Variants in LRMDA observed in about 807,000 individuals in gnomAD.
LRMDA encodes leucine-rich melanocyte differentiation-associated protein.
A neutral mutation model predicts 29.8 loss-of-function variants in LRMDA; 18 were observed. The ratio of observed to expected loss-of-function variants is 0.60; its 90% confidence interval spans 0.42 to 0.90. The LOEUF (loss-of-function observed/expected upper bound fraction) is 0.90. Ranked by LOEUF, LRMDA falls within the 40% of genes least tolerant of loss-of-function variation. LRMDA has a pLI of 0.00. For synonymous variants in LRMDA, 125 were observed against 109.4 expected, an observed-to-expected ratio of 1.14 and a Z score of -0.89; for missense variants, 273 against 273.9, an observed-to-expected ratio of 1.00 and a Z score of 0.02.
chr10:75,904,712 G>T (rs1050566279), intron 2 of LRMDA, among the ~76,000 whole-genome samples: 1 of 152,154 alleles, frequency 6.6e-6, no homozygotes, highest in African/African-American at 2.4e-5. Context: ...GCTCTTTGCG[G>T]CCTGAGACCA....
At chr10:75,640,473 G>A (rs904859668) in intron 2 of LRMDA, among the ~76,000 whole-genome samples, 1 of 152,196 alleles carries the variant, frequency 6.6e-6, no homozygotes, top group African/African-American at 2.4e-5. Flanking sequence ...TCTGCATTCT[G>A]TGTATCTGTG....
In LRMDA at chr10:76,378,202, A is replaced by G. The variant is rs1311835571; in HGVS notation, c.601+53717A>G. ...TTCTGAGTTTGATTATTTTTGGTGT[A>G]TAGAAATGCTACTGATTTTTGTAGG... On this transcript the variant is annotated intron_variant, in intron 6 of 6. Coordinates refer to ENST00000611255, the MANE Select transcript of LRMDA (RefSeq NM_001305581.2). 3.9e-5 allele frequency among the ~76,000 whole-genome samples: 6 copies of G among 152,276 alleles called. No individual in the cohort carries two copies. In the South Asian group the frequency reaches 8.3e-4, roughly 21 times the overall value.
intron 2 of LRMDA, among the ~76,000 whole-genome samples, chr10:75,636,010 C>CG (rs1436307838): frequency 6.6e-6 from 1 of 152,100 alleles, no homozygotes; most frequent in Non-Finnish European, 1.5e-5. Flanking sequence ...GTCCATAGGA[C>CG]GTAAGATTTT....
At chr10:76,176,558 T>C (rs1191268846) in intron 5 of LRMDA, among the ~76,000 whole-genome samples, 2 of 152,280 alleles carry the variant, frequency 1.3e-5, no homozygotes, top group African/African-American at 2.4e-5. Flanking sequence ...CTTTGCGAGA[T>C]TGAGGCGGGC....
chr10:76,267,130 G>T (rs1840014808), intron 5 of LRMDA, among the ~76,000 whole-genome samples: 3 of 152,070 alleles, frequency 2.0e-5, no homozygotes. Context: ...CAGTTGAGAT[G>T]AATTTCCACA....
chr10:76,465,336 A>G (rs561766355), intron 6 of LRMDA, among the ~76,000 whole-genome samples: 11 of 152,042 alleles, frequency 7.2e-5, no homozygotes, highest in Non-Finnish European at 1.2e-4. Flanking sequence ...AAATTGTAAG[A>G]CCTGTGTGTG....
At chr10:75,887,053 A>G (rs1372290548) in intron 2 of LRMDA, among the ~76,000 whole-genome samples, 1 of 152,110 alleles carries the variant, frequency 6.6e-6, no homozygotes, top group Non-Finnish European at 1.5e-5. Flanking sequence ...CCAAATAATT[A>G]TAGATGGTTC....
chr10:75,850,824 A>G (rs1484228036), intron 2 of LRMDA, among the ~76,000 whole-genome samples: 1 of 152,162 alleles, frequency 6.6e-6, no homozygotes, highest in East Asian at 1.9e-4. Context: ...GAAACTTGAA[A>G]GACAAGAGGA....
chr10:75,944,436 A>G (rs1279045798), intron 2 of LRMDA, among the ~76,000 whole-genome samples: 1 of 151,638 alleles, frequency 6.6e-6, no homozygotes, highest in Non-Finnish European at 1.5e-5. Flanking sequence ...TGCGTGTTTA[A>G]GCTTTTTGTT....
chr10:76,239,571 C>A (rs1852230924), intron 5 of LRMDA, among the ~76,000 whole-genome samples: 1 of 151,756 alleles, frequency 6.6e-6, no homozygotes, highest in East Asian at 1.9e-4. Context: ...CTCTTTGTCT[C>A]TTATGCTCTC....
In LRMDA at chr10:75,692,538, CAT is replaced by C. The variant is rs143297712; in HGVS notation, c.131+254050_131+254051del. ...GTGTATACACATATGCGTATGTATA[CAT>C]ATATACACATATACATATGTATACG... is the stretch of plus-strand genomic sequence containing the variant. On this transcript the variant is annotated intron_variant, in intron 2 of 6. Coordinates refer to ENST00000611255, the MANE Select transcript of LRMDA (RefSeq NM_001305581.2). Among the ~76,000 whole-genome samples, 4 of 142,108 alleles carry C rather than the reference CAT, an allele frequency of 2.8e-5. No individual in the cohort carries two copies. In the Admixed American group the frequency reaches 2.9e-4, roughly 10 times the overall value. The allele number at this position is 142,108 out of a possible 152,430, so 93.2% of individuals were successfully genotyped here.
At chr10:76,401,199 C>T (rs1409920801) in intron 6 of LRMDA, among the ~76,000 whole-genome samples, 1 of 151,840 alleles carries the variant, frequency 6.6e-6, no homozygotes, top group Non-Finnish European at 1.5e-5. Context: ...GGATGAGACT[C>T]AATGGATGGT....
intron 2 of LRMDA, among the ~76,000 whole-genome samples, chr10:75,566,676 C>G (rs945216787): frequency 6.6e-6 from 1 of 152,046 alleles, no homozygotes; most frequent in Non-Finnish European, 1.5e-5. Flanking sequence ...ATTTCTTCCC[C>G]GGGTAATTTT....
intron 6 of LRMDA, among the ~76,000 whole-genome samples, chr10:76,362,927 T>C (rs1841328872): frequency 6.6e-6 from 1 of 151,690 alleles, no homozygotes; most frequent in South Asian, 2.1e-4. Flanking sequence ...TTTTCTATTT[T>C]ACCAGCAGAC....
intron 2 of LRMDA, among the ~76,000 whole-genome samples, chr10:75,828,118 C>T (rs1844277453): frequency 6.6e-6 from 1 of 152,112 alleles, no homozygotes; most frequent in Admixed American, 6.5e-5. Flanking sequence ...TTGAAACCTG[C>T]CCAAACTTTT....
intron 2 of LRMDA, among the ~76,000 whole-genome samples, chr10:75,969,575 G>A (rs539459656): frequency 5.3e-5 from 8 of 152,224 alleles, no homozygotes; most frequent in East Asian, 3.8e-4. Flanking sequence ...ACAAGCTCAC[G>A]CTTATTATGA....
chr10:75,438,499 G>A lies in LRMDA; in HGVS notation c.131+5G>A. 6.5e-7 allele frequency: 1 copy of A among 1,549,942 alleles called. No individual in the cohort carries two copies. Among genetic ancestry groups the A allele is most frequent in the Middle Eastern group, 1.7e-4 (1 of 5,982 alleles). On this transcript the variant is annotated splice_donor_5th_base_variant and intron_variant, in intron 2 of 6. Coordinates refer to ENST00000611255, the MANE Select transcript of LRMDA (RefSeq NM_001305581.2). The stretch of plus-strand genomic sequence containing the variant: ...TCTGAGCTTTAACCTTCTGAGGTAT[G>A]TAACCTTCACAAGATGTAGGCCAGG...
At chr10:75,951,009 C>CA (rs1371359997) in intron 2 of LRMDA, among the ~76,000 whole-genome samples, 2 of 150,536 alleles carry the variant, frequency 1.3e-5, no homozygotes, top group East Asian at 5.1e-4. Context: ...CTGGTGGCCA[C>CA]AGTGTTCACT....
chr10:75,830,576 T>TG (rs1307990012), intron 2 of LRMDA, among the ~76,000 whole-genome samples: 1 of 151,092 alleles, frequency 6.6e-6, no homozygotes, highest in African/African-American at 2.5e-5. Flanking sequence ...ACTTCTGTCT[T>TG]TAAAACCATC....
Sources: allele counts gnomAD v4.1 joint callset (sites outside exome capture counted in the v4.1 genomes callset), GRCh38; gene constraint gnomAD v4.1.1; transcripts MANE v1.5; gene names NCBI Gene and HGNC (gene_info 2026-07-23, HGNC 2026-07-21).